Variants in SLC8A1 observed in about 807,000 individuals in gnomAD.
SLC8A1 encodes the protein solute carrier family 8 member A1, also known as sodium/calcium exchanger 1.
A neutral mutation model predicts 68.3 loss-of-function variants in SLC8A1; 18 were observed. The observed-to-expected ratio is 0.26, with a 90% CI of 0.18 to 0.39. The LOEUF is 0.39. SLC8A1 is among the 10% of genes least tolerant of loss of function. SLC8A1 has a pLI of 1.00. For missense variants in SLC8A1, 985 were observed against 1,156.7 expected (o/e 0.85, Z 2.15); for synonymous variants, 475 against 415.5 (o/e 1.14, Z -1.74).
At chr2:40,346,994 C>T (rs1194205530) in intron 2 of SLC8A1, among the ~76,000 whole-genome samples, 4 of 152,110 alleles carry the variant, frequency 2.6e-5, no homozygotes, top group Non-Finnish European at 4.4e-5. Context: ...TTCTGTTTCC[C>T]ACATCTCCTT....
intron 2 of SLC8A1, among the ~76,000 whole-genome samples, chr2:40,427,952 T>C (rs1320332510): frequency 6.6e-6 from 1 of 152,174 alleles, no homozygotes; most frequent in Non-Finnish European, 1.5e-5. Flanking sequence ...CATTAACTTA[T>C]ATTGTCACAA....
At chr2:40,504,506 A>G (rs1706244876) in intron 1 of SLC8A1, among the ~76,000 whole-genome samples, 1 of 151,998 alleles carries the variant, frequency 6.6e-6, no homozygotes, top group Non-Finnish European at 1.5e-5. Context: ...AATACAATCA[A>G]CAAAGTGAAG....
intron 2 of SLC8A1, among the ~76,000 whole-genome samples, chr2:40,331,785 G>A (rs1361745248): frequency 6.6e-6 from 1 of 151,848 alleles, no homozygotes; most frequent in Non-Finnish European, 1.5e-5. Flanking sequence ...GTAGAGACAG[G>A]GTTTTGCCAG....
At chr2:40,407,004 C>A (rs60403221) in intron 2 of SLC8A1, among the ~76,000 whole-genome samples, 1 of 151,900 alleles carries the variant, frequency 6.6e-6, no homozygotes, top group Admixed American at 6.6e-5. Flanking sequence ...CTAGGCTTAC[C>A]AGGTTCTAGG....
chr2:40,269,328 A>G (rs528889361), intron 2 of SLC8A1, among the ~76,000 whole-genome samples: 1 of 152,332 alleles, frequency 6.6e-6, no homozygotes, highest in East Asian at 1.9e-4. Context: ...CTTTTGTACT[A>G]TCTTACAGTA....
intron 1 of SLC8A1, among the ~76,000 whole-genome samples, chr2:40,470,069 A>G (rs1703917181): frequency 6.6e-6 from 1 of 150,982 alleles, no homozygotes; most frequent in African/African-American, 2.4e-5. Flanking sequence ...TTGTTTTAGT[A>G]CTTTCACTGA....
At chr2:40,278,513 A>AAAGCC (rs1489058515) in intron 2 of SLC8A1, among the ~76,000 whole-genome samples, 2 of 152,068 alleles carry the variant, frequency 1.3e-5, no homozygotes, top group East Asian at 3.9e-4. Context: ...AAAAGAAAGA[A>AAAGCC]AAGCCATCAC....
At chr2:40,300,433 A>T (rs955361721) in intron 2 of SLC8A1, among the ~76,000 whole-genome samples, 1 of 152,056 alleles carries the variant, frequency 6.6e-6, no homozygotes, top group Admixed American at 6.6e-5. Context: ...AAAATCCAGA[A>T]TGTTCCATTC....
chr2:40,287,747 C>T (rs376599127), intron 2 of SLC8A1, among the ~76,000 whole-genome samples: 14 of 151,770 alleles, frequency 9.2e-5, no homozygotes, highest in African/African-American at 3.4e-4. Context: ...TGGCATGGGG[C>T]TCTGCAAGCA....
chr2:40,149,924 T>A (rs1449746727), intron 6 of SLC8A1, among the ~76,000 whole-genome samples: 1 of 151,942 alleles, frequency 6.6e-6, no homozygotes, highest in African/African-American at 2.4e-5. Context: ...GGTTAAGGCG[T>A]TGGTTCTACA....
intron 2 of SLC8A1, among the ~76,000 whole-genome samples, chr2:40,245,523 CACTCTG>C (rs1424026528): frequency 6.6e-6 from 1 of 152,132 alleles, no homozygotes; most frequent in Non-Finnish European, 1.5e-5. Flanking sequence ...AACTTTTGGA[CACTCTG>C]ACTCTGTGCT....
At chr2:40,376,368 G>C (rs1278069809) in intron 2 of SLC8A1, among the ~76,000 whole-genome samples, 1 of 152,038 alleles carries the variant, frequency 6.6e-6, no homozygotes, top group African/African-American at 2.4e-5. Flanking sequence ...TGGTTTGTTC[G>C]CCTACAATTT....
At chr2:40,290,016 T>C (rs548824281) in intron 2 of SLC8A1, among the ~76,000 whole-genome samples, 6 of 152,094 alleles carry the variant, frequency 3.9e-5, no homozygotes, top group Admixed American at 6.6e-5. Flanking sequence ...AAGTGTTTCA[T>C]TGGATAATTA....
At chr2:40,167,885 A>T (rs750411062) in intron 4 of SLC8A1, among the ~76,000 whole-genome samples, 1 of 152,212 alleles carries the variant, frequency 6.6e-6, no homozygotes, top group Admixed American at 6.5e-5. Flanking sequence ...TATCCAGCAC[A>T]TAAACTCACT....
chr2:40,319,915 C>T (rs772131216), intron 2 of SLC8A1, among the ~76,000 whole-genome samples: 1 of 152,094 alleles, frequency 6.6e-6, no homozygotes, highest in Non-Finnish European at 1.5e-5. Context: ...AAAAGTGGCA[C>T]TAAAAACTGA....
intron 7 of SLC8A1, chr2:40,120,629 C>G (rs2036568091): frequency 6.6e-6 from 1 of 152,106 alleles, no homozygotes; most frequent in Admixed American, 6.5e-5. Context: ...AACCACTCTT[C>G]ACAATAATTA....
At chr2:40,292,915 G>A (rs1449715279) in intron 2 of SLC8A1, among the ~76,000 whole-genome samples, 4 of 152,132 alleles carry the variant, frequency 2.6e-5, no homozygotes, top group African/African-American at 9.7e-5. Context: ...TACGCATTTG[G>A]AAATTGATCT....
intron 2 of SLC8A1, among the ~76,000 whole-genome samples, chr2:40,406,984 G>A (rs1310399503): frequency 6.6e-6 from 1 of 152,032 alleles, no homozygotes; most frequent in East Asian, 1.9e-4. Context: ...TGCAAAGAGT[G>A]GACTGAGGAC....
At position 40,100,907 on chromosome 2, in the gene SLC8A1, AC is replaced by A. The variant is rs2033853702; in HGVS notation, c.*14345del. The A allele has an allele frequency of 5.9e-5, 9 of 152,272 alleles. No homozygotes were observed. The East Asian group carries it at 1.7e-3, about 29-fold the overall frequency. 9.4% of individuals were successfully genotyped at this position (152,272 alleles called of 1,614,324 possible). A position where few individuals can be genotyped will look rare whatever the true frequency, so the allele number is the denominator to read the frequency against. On this transcript the variant is annotated 3_prime_UTR_variant, in exon 8 of 8. Transcript: ENST00000406785. ...TTTCTCCTAAGGGAGGCCTGGAGTGACAGTTACAACATTTTTCTCCAGAATA... is the reference window on the plus strand; with the variant it reads ...TTTCTCCTAAGGGAGGCCTGGAGTGAAGTTACAACATTTTTCTCCAGAATA...
Sources: gnomAD v4.1 joint callset for allele counts (sites outside exome capture counted in the v4.1 genomes callset) on GRCh38, gnomAD v4.1.1 for gene constraint, MANE v1.5 for transcripts, NCBI Gene and HGNC (gene_info 2026-07-23, HGNC 2026-07-21) for gene names.